Variants in BPI observed in about 807,000 individuals in gnomAD.
BPI encodes the protein bactericidal permeability increasing protein.
BPI carries 48 observed loss-of-function variants against 57.6 expected under a neutral mutation model. The observed-to-expected ratio is 0.83, with a 90% CI of 0.66 to 1.06. BPI has a LOEUF of 1.06. Ranked by LOEUF, BPI falls within the 50% of genes least tolerant of loss-of-function variation. The pLI is 0.00. For synonymous variants in BPI, 237 were observed against 238.2 expected, an observed-to-expected ratio of 0.99 and a Z score of 0.05; for missense variants, 651 against 609.7, an observed-to-expected ratio of 1.07 and a Z score of -0.71.
chr20:38,313,527 T>A (rs1236589241), intron 5 of BPI, among the ~76,000 whole-genome samples: 1 of 152,130 alleles, frequency 6.6e-6, no homozygotes, highest in Non-Finnish European at 1.5e-5. Flanking sequence ...GCTGTCTGTA[T>A]AATCAAGTAA....
At chr20:38,308,859 A>G (rs1198877592) in intron 2 of BPI, 71 bp from the exon 3 acceptor site, 5 of 1,584,046 alleles carry the variant, frequency 3.2e-6, no homozygotes, top group African/African-American at 1.3e-5. Context: ...TGCATTAACC[A>G]TTAACGAAGT....
At chr20:38,325,193 A>G (rs1217085333) in intron 9 of BPI, among the ~76,000 whole-genome samples, 1 of 152,242 alleles carries the variant, frequency 6.6e-6, no homozygotes, top group Non-Finnish European at 1.5e-5. Context: ...TCATCCAGAT[A>G]TCCAAAACAA....
chr20:38,306,510 G>A (rs188329224), intron 1 of BPI, among the ~76,000 whole-genome samples: 10 of 152,344 alleles, frequency 6.6e-5, no homozygotes, highest in Non-Finnish European at 8.8e-5. Context: ...CAGGGGCTCC[G>A]AAAGAGCAGT....
intron 5 of BPI, among the ~76,000 whole-genome samples, chr20:38,316,250 GA>G (rs11477786): frequency 1.1e-4 from 16 of 151,202 alleles, no homozygotes; most frequent in African/African-American, 3.4e-4. Context: ...CATACCCCAG[GA>G]AAAATAACTT....
intron 9 of BPI, among the ~76,000 whole-genome samples, chr20:38,325,070 T>TA (rs1327645927): frequency 6.6e-6 from 1 of 152,176 alleles, no homozygotes; most frequent in Non-Finnish European, 1.5e-5. Flanking sequence ...TTTCATGCAA[T>TA]AAATTCTTAT....
chr20:38,333,233 T>C (rs1182416374), intron 12 of BPI, among the ~76,000 whole-genome samples: 1 of 152,132 alleles, frequency 6.6e-6, no homozygotes, highest in African/African-American at 2.4e-5. Flanking sequence ...AACTAATTTC[T>C]ACTTCTGTAG....
rs1343248905 is a variant in BPI at position 38,318,262 on chromosome 20, C to T, written c.601-151C>T. 6.6e-6 allele frequency: 7 copies of T among 1,065,214 alleles called. No homozygotes were observed. The East Asian group carries it at 1.7e-4, about 25-fold the overall frequency. 66.0% of individuals were successfully genotyped at this position (1,065,214 alleles called of 1,614,324 possible). A position where few individuals can be genotyped will look rare whatever the true frequency, so the allele number is the denominator to read the frequency against. On this transcript the variant is annotated intron_variant, in intron 5 of 14. Transcript: ENST00000642449. ...AAGCTACATGTTCAACTCTGAGCTT[C>T]CTGGTGGCCAAAAAGAAAAGGGAAA...
intron 12 of BPI, among the ~76,000 whole-genome samples, chr20:38,332,236 C>T (rs2076746543): frequency 6.6e-6 from 1 of 152,102 alleles, no homozygotes; most frequent in South Asian, 2.1e-4. Flanking sequence ...TGCGCTGTTT[C>T]CCTGCAGGGA....
chr20:38,308,224 T>TTATA (rs1473544348), intron 2 of BPI, among the ~76,000 whole-genome samples: 1 of 152,164 alleles, frequency 6.6e-6, no homozygotes, highest in African/African-American at 2.4e-5. Flanking sequence ...CCACCTCAGA[T>TTATA]TATATACACA....
intron 3 of BPI, among the ~76,000 whole-genome samples, chr20:38,309,426 G>A (rs1266613038): frequency 6.6e-6 from 1 of 152,108 alleles, no homozygotes; most frequent in Non-Finnish European, 1.5e-5. Flanking sequence ...CTGTCGGCTG[G>A]GGCTTAGCTG....
At chr20:38,336,505 C>T (rs117721220) in intron 14 of BPI, among the ~76,000 whole-genome samples, 1,725 of 151,814 alleles carry the variant, frequency 0.011, 12 homozygotes, top group South Asian at 0.041. Flanking sequence ...AACCGTCACC[C>T]AGCTTGCATT....
At chr20:38,310,404 C>T (rs1568809029) in intron 3 of BPI, 87 bp from the exon 4 acceptor site, 19 of 1,510,634 alleles carry the variant, frequency 1.3e-5, no homozygotes, top group Middle Eastern at 1.7e-4. Flanking sequence ...GGGATAATAA[C>T]AAAACCCGCC....
chr20:38,334,529 A>G (rs745873272), intron 13 of BPI, 36 bp downstream of exon 13: 45 of 1,592,992 alleles, frequency 2.8e-5, no homozygotes, highest in Middle Eastern at 1.7e-4. Flanking sequence ...ATTTTCAGTC[A>G]TGGGGGAAGA....
chr20:38,308,947 T>C lies in BPI; in HGVS notation c.263T>C (p.Phe88Ser), dbSNP rs370368653. 6.2e-7 allele frequency: 1 copy of C among 1,614,096 alleles called. No homozygotes were observed. The highest frequency in any genetic ancestry group is 1.3e-5 in the African/African-American group (1 of 74,926). ...CTTTGCAGCATGGACATCCGTGAATTCCAGCTTCCCAGTTCCCAGATAAGC... is the reference window on the plus strand; with the variant it reads ...CTTTGCAGCATGGACATCCGTGAATCCCAGCTTCCCAGTTCCCAGATAAGC... ...YSFYSMDIRE[F>S]QLPSSQISMV... The change falls in exon 3 of 15, where the codon TTC becomes TCC. Residue 88 changes from phenylalanine (F) to serine (S), a missense_variant. Phe to Ser is a radical substitution (Grantham distance 155). Coordinates refer to ENST00000642449, the MANE Select transcript of BPI (RefSeq NM_001725.3).
At chr20:38,332,785 G>T (rs1285296986) in intron 12 of BPI, among the ~76,000 whole-genome samples, 1 of 152,082 alleles carries the variant, frequency 6.6e-6, no homozygotes, top group Non-Finnish European at 1.5e-5. Context: ...TAGATTTGCC[G>T]CTACTGCCCT....
At chr20:38,311,015 A>C (rs1392501172) in intron 4 of BPI, among the ~76,000 whole-genome samples, 1 of 152,280 alleles carries the variant, frequency 6.6e-6, no homozygotes, top group Non-Finnish European at 1.5e-5. Context: ...AGGCTCGTGC[A>C]ACATGGTCAG....
intron 12 of BPI, 90 bp downstream of exon 12, chr20:38,331,180 G>A (rs5743539): frequency 0.025 from 35,596 of 1,431,372 alleles, 509 homozygotes; most frequent in Middle Eastern, 0.052. Context: ...TTATTTAAGA[G>A]GCTACTGGCT....
At chr20:38,317,492 G>T in intron 5 of BPI, among the ~76,000 whole-genome samples, 1 of 152,228 alleles carries the variant, frequency 6.6e-6, no homozygotes, top group East Asian at 1.9e-4. Context: ...GCTCTGCTGG[G>T]ACTATTGACC....
rs77910208 is a variant in BPI at position 38,331,227 on chromosome 20, A to T, written c.1272+137A>T. On this transcript the variant is annotated intron_variant, in intron 12 of 14. Transcript: ENST00000642449. ...AATTTGGTTGTGAATTAATAGTTCAAGGAGCTTCGTGGGCAGAGGGACCTG... is the reference window on the plus strand; with the variant it reads ...AATTTGGTTGTGAATTAATAGTTCATGGAGCTTCGTGGGCAGAGGGACCTG... 2,663 of 1,107,304 alleles carry T rather than the reference A, an allele frequency of 2.4e-3. 81 individuals are homozygous for T. In the East Asian group the frequency reaches 0.062, roughly 26 times the overall value. The allele number at this position is 1,107,304 out of a possible 1,614,324, so 68.6% of individuals were successfully genotyped here.
Sources: gnomAD v4.1 joint callset for allele counts (sites outside exome capture counted in the v4.1 genomes callset) on GRCh38, gnomAD v4.1.1 for gene constraint, MANE v1.5 for transcripts, NCBI Gene and HGNC (gene_info 2026-07-23, HGNC 2026-07-21) for gene names.